The following NCKAP5 variants were observed in gnomAD, a reference collection of about 807,000 sequenced individuals.
The protein encoded by NCKAP5 is NCK associated protein 5, also known as nck-associated protein 5.
Under a neutral mutation model 167.0 loss-of-function variants are expected in NCKAP5, and 92 were observed. The observed-to-expected ratio is 0.55, with a 90% confidence interval of 0.47 to 0.66. The LOEUF (loss-of-function observed/expected upper bound fraction) is 0.66, where lower values mean the gene tolerates loss of function less well. Ranked by LOEUF, NCKAP5 falls within the 30% of genes least tolerant of loss-of-function variation. NCKAP5 has a pLI of 0.00. For missense variants in NCKAP5, 2,378 were observed against 2,315.0 expected (o/e 1.03, Z -0.56); for synonymous variants, 891 against 877.4 (o/e 1.02, Z -0.27).
chr2:133,468,505 G>C (rs1016637520), intron 3 of NCKAP5, among the ~76,000 whole-genome samples: 1 of 151,940 alleles, frequency 6.6e-6, no homozygotes, highest in Non-Finnish European at 1.5e-5. Context: ...GGGGTGGAGA[G>C]TTCTGTAGAT....
chr2:133,020,253 G>A (rs759863575), intron 6 of NCKAP5, among the ~76,000 whole-genome samples: 2 of 152,200 alleles, frequency 1.3e-5, no homozygotes, highest in African/African-American at 2.4e-5. Context: ...ATGATAAGCT[G>A]TAGAATTTGG....
chr2:132,806,923 T>A (rs1222980720), intron 11 of NCKAP5, among the ~76,000 whole-genome samples: 1 of 152,194 alleles, frequency 6.6e-6, no homozygotes, highest in African/African-American at 2.4e-5. Flanking sequence ...CATCTTGAGT[T>A]GATTTTTGTA....
chr2:133,386,758 T>C (rs921944944), intron 3 of NCKAP5, among the ~76,000 whole-genome samples: 1 of 152,238 alleles, frequency 6.6e-6, no homozygotes, highest in Non-Finnish European at 1.5e-5. Context: ...GTATTTAGGA[T>C]AGTTAGCTCT....
intron 6 of NCKAP5, among the ~76,000 whole-genome samples, chr2:132,995,056 G>A (rs2077554058): frequency 6.6e-6 from 1 of 152,198 alleles, no homozygotes; most frequent in African/African-American, 2.4e-5. Flanking sequence ...AGGACTGGAA[G>A]TTGCTCTGGG....
intron 4 of NCKAP5, among the ~76,000 whole-genome samples, chr2:133,220,524 T>A (rs1399319293): frequency 6.6e-6 from 1 of 152,174 alleles, no homozygotes; most frequent in African/African-American, 2.4e-5. Flanking sequence ...GAACTAAAGA[T>A]CATAAACAAC....
At position 133,387,290 on chromosome 2, in the gene NCKAP5, C is replaced by T. The variant is rs547352246; in HGVS notation, c.70-84180G>A. Among the ~76,000 whole-genome samples the T allele has an allele frequency of 3.3e-5, 5 of 152,256 alleles. No individual in the cohort carries two copies. In the South Asian group the frequency reaches 1.0e-3, roughly 32 times the overall value. ...TGCTTGTCTGTAAAGGATTTTATTT[C>T]TCCTTCACTTATGAAGCTTAGTTTG... On this transcript the variant is annotated intron_variant, in intron 3 of 19. Coordinates refer to ENST00000409261, the MANE Select transcript of NCKAP5 (RefSeq NM_207363.3).
chr2:132,988,074 T>C (rs1435747639), intron 7 of NCKAP5, among the ~76,000 whole-genome samples: 4 of 152,182 alleles, frequency 2.6e-5, no homozygotes, highest in African/African-American at 9.7e-5. Flanking sequence ...CCTCATGTAG[T>C]CCAGGCCTTA....
chr2:133,585,570 G>A, the NCKAP5 span, among the ~76,000 whole-genome samples: 3 of 152,036 alleles, frequency 2.0e-5, no homozygotes, highest in African/African-American at 7.2e-5. Context: ...ATTTTGTCAT[G>A]GATTATACAC....
At chr2:132,873,620 C>T (rs1489237161) in intron 9 of NCKAP5, among the ~76,000 whole-genome samples, 2 of 152,166 alleles carry the variant, frequency 1.3e-5, no homozygotes, top group East Asian at 3.9e-4. Context: ...CAGCCCCATA[C>T]AACATTGGAA....
intron 3 of NCKAP5, among the ~76,000 whole-genome samples, chr2:133,450,122 C>T (rs1691455754): frequency 6.6e-6 from 1 of 151,934 alleles, no homozygotes; most frequent in Admixed American, 6.6e-5. Context: ...TCTCAACACA[C>T]ACGCACACAC....
chr2:133,388,265 G>A (rs1351411694), intron 3 of NCKAP5, among the ~76,000 whole-genome samples: 1 of 152,218 alleles, frequency 6.6e-6, no homozygotes, highest in African/African-American at 2.4e-5. Context: ...TTAACAGTCA[G>A]GACCCTCAGC....
At chr2:133,385,323 G>T (rs987195638) in intron 3 of NCKAP5, among the ~76,000 whole-genome samples, 3 of 152,126 alleles carry the variant, frequency 2.0e-5, no homozygotes, top group African/African-American at 7.2e-5. Context: ...TTTTGTCTTT[G>T]GTTCTGTTTA....
chr2:133,429,175 A>C (rs1190321235), intron 3 of NCKAP5, among the ~76,000 whole-genome samples: 1 of 152,204 alleles, frequency 6.6e-6, no homozygotes, highest in Non-Finnish European at 1.5e-5. Context: ...ACAAAGGGTA[A>C]GGCCATTCTA....
At chr2:132,912,050 G>GA (rs1427017053) in intron 8 of NCKAP5, among the ~76,000 whole-genome samples, 1 of 152,194 alleles carries the variant, frequency 6.6e-6, no homozygotes, top group African/African-American at 2.4e-5. Flanking sequence ...AGTGGTGTTA[G>GA]AAAAGAGTAC....
chr2:132,687,642 T>C (rs1357299101), intron 19 of NCKAP5, among the ~76,000 whole-genome samples: 1 of 151,156 alleles, frequency 6.6e-6, no homozygotes, highest in African/African-American at 2.4e-5. Flanking sequence ...ATCCAAAAGC[T>C]GCTCCCACTG....
At chr2:133,037,928 C>T (rs2079089720) in intron 6 of NCKAP5, among the ~76,000 whole-genome samples, 2 of 151,862 alleles carry the variant, frequency 1.3e-5, no homozygotes, top group South Asian at 4.1e-4. Context: ...ATATACTTGT[C>T]CCAGTTAAAA....
At chr2:133,193,348 G>T (rs1294689099) in intron 5 of NCKAP5, among the ~76,000 whole-genome samples, 1 of 151,656 alleles carries the variant, frequency 6.6e-6, no homozygotes, top group African/African-American at 2.4e-5. Flanking sequence ...AATGTCAACT[G>T]ATACCATGAT....
At chr2:132,677,213 A>AT (rs994008147) in intron 19 of NCKAP5, among the ~76,000 whole-genome samples, 9 of 151,378 alleles carry the variant, frequency 5.9e-5, no homozygotes, top group South Asian at 2.1e-4. Context: ...TTTTTGGTGG[A>AT]TTTTTTTTTC....
At chr2:133,122,039 A>G (rs2082267009) in intron 6 of NCKAP5, 1 of 152,224 alleles carries the variant, frequency 6.6e-6, no homozygotes, top group Non-Finnish European at 1.5e-5. Flanking sequence ...CAAAACTATA[A>G]GGAGAGAAAT....
Sources: allele counts gnomAD v4.1 joint callset (sites outside exome capture counted in the v4.1 genomes callset), GRCh38; gene constraint gnomAD v4.1.1; transcripts MANE v1.5; gene names NCBI Gene and HGNC (gene_info 2026-07-23, HGNC 2026-07-21).